The following TMEM169 variants were observed in gnomAD, a reference collection of about 807,000 sequenced individuals.
TMEM169 encodes the protein transmembrane protein 169.
TMEM169 carries 18 observed loss-of-function variants against 27.3 expected under a neutral mutation model. The ratio of observed to expected loss-of-function variants is 0.66; its 90% CI spans 0.46 to 0.98. TMEM169 has a LOEUF of 0.98. Ranked by LOEUF, TMEM169 falls within the 50% of genes least tolerant of loss-of-function variation. The probability of loss-of-function intolerance (pLI) is 0.00; values close to 1 mark genes in which losing one functional copy is unlikely to be tolerated. For synonymous variants in TMEM169, 136 were observed against 142.1 expected, an observed-to-expected ratio of 0.96 and a Z score of 0.30; for missense variants, 320 against 368.6, an observed-to-expected ratio of 0.87 and a Z score of 1.08.
Position 216,099,954 on chromosome 2 carries a change from C to T in TMEM169, c.306C>T (p.Val102=). 6.2e-7 allele frequency: 1 copy of T among 1,613,958 alleles called. No homozygotes were observed. The highest frequency in any genetic ancestry group is 8.5e-7 in the Non-Finnish European group (1 of 1,179,946). The change falls in exon 3 of 3, where the codon GTC becomes GTT. Residue 102 remains valine, a synonymous_variant. Coordinates refer to ENST00000437356, the MANE Select transcript of TMEM169 (RefSeq NM_001142311.2). This position sits in a 1 kb window ranked among gnomAD's most constrained non-coding sequence, Gnocchi z 5.0. The part of the protein sequence containing the change: ...MWNLPLDSRY[V]TLTGTITRGK... ...ACCTGCCTCTGGACAGCCGCTACGT[C>T]ACCTTAACTGGGACCATCACACGAG...
intron 1 of TMEM169, among the ~76,000 whole-genome samples, chr2:216,088,578 G>A (rs1190168839): frequency 6.6e-6 from 1 of 152,242 alleles, no homozygotes; most frequent in Admixed American, 6.5e-5. Context: ...GCACATGACT[G>A]TAGTCCCAGC....
chr2:216,089,086 A>G (rs941073714), intron 1 of TMEM169, among the ~76,000 whole-genome samples: 7 of 152,226 alleles, frequency 4.6e-5, no homozygotes, highest in Admixed American at 3.3e-4. Context: ...TCGGGCCTAG[A>G]AAACACTGGC....
intron 1 of TMEM169, among the ~76,000 whole-genome samples, chr2:216,091,017 G>C (rs1696107841): frequency 6.6e-6 from 1 of 152,234 alleles, no homozygotes; most frequent in Admixed American, 6.5e-5. Context: ...GCCAGACCCT[G>C]ATTGGCCAAA....
chr2:216,084,869 A>G (rs1695960345), intron 1 of TMEM169, among the ~76,000 whole-genome samples: 1 of 152,220 alleles, frequency 6.6e-6, no homozygotes, highest in African/African-American at 2.4e-5. Flanking sequence ...TACCCCTACT[A>G]TGGTGGTACA....
At chr2:216,086,248 A>C (rs1031197338) in intron 1 of TMEM169, among the ~76,000 whole-genome samples, 1 of 152,084 alleles carries the variant, frequency 6.6e-6, no homozygotes, top group Non-Finnish European at 1.5e-5. Context: ...TATTTTTAGT[A>C]GAGGGGGTTT....
At chr2:216,085,835 C>T (rs1317556291) in intron 1 of TMEM169, among the ~76,000 whole-genome samples, 1 of 150,766 alleles carries the variant, frequency 6.6e-6, no homozygotes, top group Non-Finnish European at 1.5e-5. Context: ...CACGCCATTG[C>T]ACTCCAGCCA....
intron 1 of TMEM169, among the ~76,000 whole-genome samples, chr2:216,091,725 C>CTTG (rs1436306764): frequency 6.6e-6 from 1 of 152,090 alleles, no homozygotes; most frequent in African/African-American, 2.4e-5. Context: ...AAAATAAATT[C>CTTG]TTGTTGTTTA....
Position 216,102,178 on chromosome 2 carries a change from G to A in TMEM169, c.*1636G>A, listed in dbSNP as rs1446819067. On this transcript the variant is annotated 3_prime_UTR_variant, in exon 3 of 3. Transcript: ENST00000437356. ...ATCTGCCAAAGTTTCCTCCAACAGC[G>A]ATCAGTAGCCCTAAGTACAAAGAAG... is the stretch of plus-strand genomic sequence containing the variant. 1.3e-5 allele frequency: 2 copies of A among 152,220 alleles called. No homozygotes were observed. Among genetic ancestry groups the A allele is most frequent in the Non-Finnish European group, 1.5e-5 (1 of 68,022 alleles). The allele number at this position is 152,220 out of a possible 1,614,324, so 9.4% of individuals were successfully genotyped here. A position where few individuals can be genotyped will look rare whatever the true frequency, so the allele number is the denominator to read the frequency against.
At chr2:216,086,069 CT>C (rs1256837273) in intron 1 of TMEM169, among the ~76,000 whole-genome samples, 86 of 147,180 alleles carry the variant, frequency 5.8e-4, no homozygotes, top group South Asian at 3.7e-3. Context: ...TTGTAAGAAT[CT>C]TTTTTTTTTT....
chr2:216,091,536 G>A (rs1198837592), intron 1 of TMEM169, among the ~76,000 whole-genome samples: 5 of 120,392 alleles, frequency 4.2e-5, no homozygotes, highest in African/African-American at 1.4e-4. Flanking sequence ...CAGCCTATGC[G>A]ACAGAGTGAG....
Position 216,100,139 on chromosome 2 carries a change from C to A in TMEM169, c.491C>A (p.Thr164Lys), listed in dbSNP as rs755117065. The change falls in exon 3 of 3, where the codon ACG (threonine) becomes AAG (lysine). Residue 164 changes from threonine (T) to lysine (K), a missense_variant. Physicochemically the swap from Thr to Lys is moderately conservative, Grantham distance 78. Transcript: ENST00000437356. The part of the protein sequence containing the change: ...ADRGPHVVLW[T>K]LICLPVVFIL... ...CGTGGGCCCCATGTGGTCCTCTGGA[C>A]GCTGATCTGCCTGCCTGTGGTTTTC... is the stretch of plus-strand genomic sequence containing the variant. 11 of 1,614,032 alleles carry A rather than the reference C, an allele frequency of 6.8e-6. No homozygotes were observed. The highest frequency in any genetic ancestry group is 7.6e-6 in the Non-Finnish European group (9 of 1,180,036).
At chr2:216,086,729 G>T (rs13416076) in intron 1 of TMEM169, among the ~76,000 whole-genome samples, 167 of 152,240 alleles carry the variant, frequency 1.1e-3, no homozygotes, top group African/African-American at 3.8e-3. Context: ...TTTTCCCATT[G>T]GTGGTTAAGA....
At chr2:216,092,845 A>T (rs1166794171) in intron 1 of TMEM169, among the ~76,000 whole-genome samples, 2 of 150,196 alleles carry the variant, frequency 1.3e-5, no homozygotes, top group Non-Finnish European at 2.9e-5. Context: ...ACGGTGGATT[A>T]GGGTGGCCTC....
At chr2:216,094,815 A>C (rs1202092552) in intron 1 of TMEM169, among the ~76,000 whole-genome samples, 1 of 152,248 alleles carries the variant, frequency 6.6e-6, no homozygotes, top group Non-Finnish European at 1.5e-5. Flanking sequence ...TGCACTGTCC[A>C]GAACAGAAAG....
chr2:216,083,899 C>G (rs1248063913), intron 1 of TMEM169, among the ~76,000 whole-genome samples: 3 of 152,176 alleles, frequency 2.0e-5, no homozygotes, highest in East Asian at 3.9e-4. Context: ...GGCCTGGAAG[C>G]AGAGCAATAG....
intron 1 of TMEM169, among the ~76,000 whole-genome samples, chr2:216,084,041 C>A (rs1222539244): frequency 1.3e-5 from 2 of 152,198 alleles, no homozygotes; most frequent in Non-Finnish European, 2.9e-5. Flanking sequence ...CTTCCCTGTG[C>A]TCTGCGTCAC....
At chr2:216,082,054 AG>A (rs1160929501) in intron 1 of TMEM169, 75 bp downstream of exon 1, 38 of 324,632 alleles carry the variant, frequency 1.2e-4, no homozygotes, top group East Asian at 1.1e-3. Context: ...AAAAAAAAAA[AG>A]AAGAAGAAAG....
At chr2:216,086,353 G>A (rs1165086357) in intron 1 of TMEM169, among the ~76,000 whole-genome samples, 12 of 152,244 alleles carry the variant, frequency 7.9e-5, no homozygotes, top group Non-Finnish European at 1.6e-4. Context: ...ATGAGCCACC[G>A]TGACCAGCCT....
In TMEM169 at chr2:216,096,060, G is replaced by T. The variant is rs766440903; in HGVS notation, c.97G>T (p.Gly33Trp). The T allele has an allele frequency of 2.5e-6, 4 of 1,614,210 alleles. No individual in the cohort carries two copies. In the South Asian group the frequency reaches 4.4e-5, roughly 18 times the overall value. The change falls in exon 2 of 3, where the codon GGG (glycine) becomes TGG (tryptophan). Residue 33 changes from glycine (G) to tryptophan (W), a missense_variant. Physicochemically the swap from Gly to Trp is radical, Grantham distance 184. Transcript: ENST00000437356. ...KAVAAALALDGESTMGHRKKK... is the reference protein window; with the variant it reads ...KAVAAALALDWESTMGHRKKK... ...TGTGGCTGCTGCCCTGGCGCTGGATGGGGAATCCACAATGGGGCACAGGAA... is the reference window on the plus strand; with the variant it reads ...TGTGGCTGCTGCCCTGGCGCTGGATTGGGAATCCACAATGGGGCACAGGAA...
Sources: allele counts gnomAD v4.1 joint callset (sites outside exome capture counted in the v4.1 genomes callset), GRCh38; gene constraint gnomAD v4.1.1; non-coding constraint Gnocchi (gnomAD v3.1); transcripts MANE v1.5; gene names NCBI Gene and HGNC (gene_info 2026-07-23, HGNC 2026-07-21).